Variants in ACYP2 observed in about 807,000 individuals in gnomAD.
The protein encoded by ACYP2 is acylphosphatase-2.
A neutral mutation model predicts 11.2 loss-of-function variants in ACYP2; 12 were observed. The observed-to-expected ratio is 1.08, with a 90% CI of 0.69 to 1.74. ACYP2 has a LOEUF of 1.74. ACYP2 is among the 40% of genes most tolerant of loss of function. ACYP2 has a pLI of 0.00. For missense variants in ACYP2, 134 were observed against 101.9 expected, an observed-to-expected ratio of 1.31 and a Z score of -1.35; for synonymous variants, 43 against 32.2, an observed-to-expected ratio of 1.33 and a Z score of -1.13.
At chr2:54,300,093 T>C (rs73933615) in intron 6 of ACYP2, among the ~76,000 whole-genome samples, 2,293 of 152,170 alleles carry the variant, frequency 0.015, 61 homozygotes, top group African/African-American at 0.052. Context: ...TCCAAATTGC[T>C]CTCCAATTTT....
intron 4 of ACYP2, among the ~76,000 whole-genome samples, chr2:54,078,041 C>G (rs1304937297): frequency 2.6e-5 from 4 of 151,224 alleles, no homozygotes; most frequent in African/African-American, 9.7e-5. Flanking sequence ...ACTGTCTCTG[C>G]TCACTGCAAC....
intron 6 of ACYP2, among the ~76,000 whole-genome samples, chr2:54,160,978 C>G (rs1178805933): frequency 6.6e-6 from 1 of 152,172 alleles, no homozygotes; most frequent in South Asian, 2.1e-4. Flanking sequence ...GAACAATGAT[C>G]TCAAAGTAGG....
chr2:54,175,441 C>T (rs1367409786), intron 6 of ACYP2, among the ~76,000 whole-genome samples: 1 of 152,140 alleles, frequency 6.6e-6, no homozygotes, highest in East Asian at 1.9e-4. Context: ...ATTAGTCTTG[C>T]TAGCGGTCTA....
At chr2:54,061,070 G>T (rs1330304452) in intron 4 of ACYP2, among the ~76,000 whole-genome samples, 1 of 151,980 alleles carries the variant, frequency 6.6e-6, no homozygotes, top group African/African-American at 2.4e-5. Context: ...ACCCAGGCTT[G>T]GTCTTGAACT....
At chr2:54,167,064 G>A (rs950896484) in intron 6 of ACYP2, 15 of 150,534 alleles carry the variant, frequency 1.0e-4, no homozygotes, top group African/African-American at 3.7e-4. Context: ...CAAAGCTACT[G>A]GTAATCCATA....
Position 54,232,972 on chromosome 2 carries a change from T to G in ACYP2, c.405-71716T>G, listed in dbSNP as rs1372269807. Among the ~76,000 whole-genome samples the G allele has an allele frequency of 2.0e-5, 3 of 152,206 alleles. No individual in the cohort carries two copies. In the East Asian group the frequency reaches 5.8e-4, roughly 29 times the overall value. On this transcript the variant is annotated intron_variant, in intron 6 of 6. Transcript: ENST00000607452. ...AATGGTTACAACATTTCACTTTTAA[T>G]TATGACATGTTGCTAGAGGGTTTCT... is the stretch of plus-strand genomic sequence containing the variant.
intron 6 of ACYP2, among the ~76,000 whole-genome samples, chr2:54,244,456 C>CCTCCCAAAGTGCTGGGATTACAGCA (rs766919673): frequency 4.6e-5 from 7 of 152,150 alleles, no homozygotes; most frequent in African/African-American, 1.4e-4. Flanking sequence ...CCTGCCTCAG[C>CCTCCCAAAGTGCTGGGATTACAGCA]CTCCCAAAGT....
chr2:54,251,525 A>G (rs1050308548), intron 6 of ACYP2, among the ~76,000 whole-genome samples: 3 of 152,208 alleles, frequency 2.0e-5, no homozygotes, highest in African/African-American at 7.2e-5. Flanking sequence ...GACACAAAAC[A>G]TCACCAGCGC....
chr2:54,096,253 G>A (rs1189989195), intron 4 of ACYP2, among the ~76,000 whole-genome samples: 6 of 145,596 alleles, frequency 4.1e-5, no homozygotes, highest in African/African-American at 1.5e-4. Context: ...GAGCAGAGGC[G>A]CTCCCCACAT....
chr2:54,250,328 C>G (rs575808127), intron 6 of ACYP2, among the ~76,000 whole-genome samples: 45 of 152,130 alleles, frequency 3.0e-4, no homozygotes, highest in Non-Finnish European at 4.6e-4. Context: ...AATACTTTAG[C>G]TCGGCGTGGT....
chr2:54,256,059 C>G, intron 6 of ACYP2: 2 of 1,614,194 alleles, frequency 1.2e-6, no homozygotes, highest in Non-Finnish European at 1.7e-6. Flanking sequence ...CCTCTGTCGC[C>G]TTGCTCTTTT....
chr2:54,195,794 G>GTTTTTTT (rs1168917459), intron 6 of ACYP2, among the ~76,000 whole-genome samples: 1,558 of 83,052 alleles, frequency 0.019, 211 homozygotes, highest in African/African-American at 0.065. Context: ...TTTGTTGTGG[G>GTTTTTTT]TTTTTTTTTT....
At chr2:54,059,837 T>C (rs1676372187) in intron 4 of ACYP2, among the ~76,000 whole-genome samples, 1 of 152,170 alleles carries the variant, frequency 6.6e-6, no homozygotes, top group African/African-American at 2.4e-5. Context: ...ATGAATAGAG[T>C]TCTAGGATGA....
chr2:54,027,346 C>T (rs529742788), intron 2 of ACYP2, among the ~76,000 whole-genome samples: 1 of 152,216 alleles, frequency 6.6e-6, no homozygotes, highest in South Asian at 2.1e-4. Flanking sequence ...CCTTTTCCCC[C>T]AGAAGGCTGT....
At chr2:54,304,562 A>G in intron 6 of ACYP2, 126 bp from the exon 4 acceptor site, 2 of 592,934 alleles carry the variant, frequency 3.4e-6, no homozygotes, top group South Asian at 2.4e-5. Context: ...ACAAATTTAA[A>G]TATCACATAT....
chr2:54,051,157 G>A, intron 3 of ACYP2: 3 of 701,648 alleles, frequency 4.3e-6, no homozygotes, highest in Admixed American at 4.1e-5. Context: ...GGGCAAGTGA[G>A]AACCAGACAG....
intron 4 of ACYP2, among the ~76,000 whole-genome samples, chr2:54,110,855 C>T (rs996876169): frequency 6.6e-6 from 1 of 151,874 alleles, no homozygotes. Context: ...TTGACCGATA[C>T]CTGAGGAAAG....
At chr2:54,091,834 G>A (rs570595008) in intron 4 of ACYP2, among the ~76,000 whole-genome samples, 3 of 152,140 alleles carry the variant, frequency 2.0e-5, no homozygotes, top group Non-Finnish European at 2.9e-5. Context: ...TTTAAATGTC[G>A]CTCTAGATAG....
intron 6 of ACYP2, among the ~76,000 whole-genome samples, chr2:54,178,380 G>A (rs1446003666): frequency 6.6e-6 from 1 of 152,118 alleles, no homozygotes; most frequent in Non-Finnish European, 1.5e-5. Context: ...TAAGAGATTT[G>A]TTCTGATCCA....
Sources: allele counts gnomAD v4.1 joint callset (sites outside exome capture counted in the v4.1 genomes callset), GRCh38; gene constraint gnomAD v4.1.1; transcripts MANE v1.5; gene names NCBI Gene and HGNC (gene_info 2026-07-23, HGNC 2026-07-21).